The following CRTC1 variants were observed in gnomAD, a reference collection of about 807,000 sequenced individuals.
CRTC1 encodes CREB-regulated transcription coactivator 1.
CRTC1 carries 18 observed loss-of-function variants against 66.1 expected under a neutral mutation model. The ratio of observed to expected loss-of-function variants is 0.27; its 90% CI spans 0.19 to 0.40. The LOEUF is 0.40. Ranked by LOEUF, CRTC1 falls within the 10% of genes least tolerant of loss-of-function variation. CRTC1 has a pLI of 1.00. For synonymous variants in CRTC1, 416 were observed against 398.8 expected, an observed-to-expected ratio of 1.04 and a Z score of -0.51; for missense variants, 669 against 887.9, an observed-to-expected ratio of 0.75 and a Z score of 3.13.
At chr19:18,769,565 C>T (rs1044391724) in intron 10 of CRTC1, among the ~76,000 whole-genome samples, 52 of 152,294 alleles carry the variant, frequency 3.4e-4, no homozygotes, top group African/African-American at 1.3e-3. Flanking sequence ...TGGGTAGACA[C>T]CCATGTTCCC....
chr19:18,768,568 G>T lies in CRTC1; in HGVS notation c.1095G>T (p.Pro365=), dbSNP rs947773277. The T allele has an allele frequency of 2.5e-6, 4 of 1,595,440 alleles. No individual in the cohort carries two copies. The highest frequency in any genetic ancestry group is 1.3e-5 in the African/African-American group (1 of 74,472). The change falls in exon 10 of 14, where the codon CCG becomes CCT. Residue 365 remains proline, a synonymous_variant. Transcript: ENST00000321949. The surrounding 1 kb of genome is among the most constrained non-coding windows in gnomAD (Gnocchi z 5.6). ...AGGCGGGCTCCCAGCAGCCACCGCC[G>T]CAGCCCCAGCCCCCGCCGCCTCCTC... The part of the protein sequence containing the change: ...FTQAGSQQPP[P]QPQPPPPPPP...
chr19:18,696,779 C>T (rs1165693703), intron 1 of CRTC1, among the ~76,000 whole-genome samples: 1 of 151,628 alleles, frequency 6.6e-6, no homozygotes, highest in African/African-American at 2.4e-5. Context: ...CCCTGAGCCC[C>T]CTCCAGTAGG....
intron 13 of CRTC1, among the ~76,000 whole-genome samples, chr19:18,776,850 C>T (rs551093825): frequency 1.4e-4 from 21 of 152,292 alleles, no homozygotes; most frequent in South Asian, 4.1e-4. Context: ...CTGAGGGAGC[C>T]GGGGAGGTCC....
Position 18,683,847 on chromosome 19 carries a change from C to G in CRTC1, c.126+19C>G. The G allele has an allele frequency of 1.6e-6, 2 of 1,219,542 alleles. No individual in the cohort carries two copies. The highest frequency in any genetic ancestry group is 2.1e-6 in the Non-Finnish European group (2 of 947,866). 75.5% of individuals were successfully genotyped at this position (1,219,542 alleles called of 1,614,324 possible). A position where few individuals can be genotyped will look rare whatever the true frequency, so the allele number is the denominator to read the frequency against. The stretch of plus-strand genomic sequence containing the variant: ...CGCGCGGGTAAGGGGGCTGCCCGCG[C>G]CGACCCTTCAGGGCCGGCGGAGGGA... On this transcript the variant is annotated intron_variant, in intron 1 of 13. Transcript: ENST00000321949.
At chr19:18,732,442 G>T (rs1389587694) in intron 1 of CRTC1, among the ~76,000 whole-genome samples, 1 of 152,260 alleles carries the variant, frequency 6.6e-6, no homozygotes, top group Non-Finnish European at 1.5e-5. Flanking sequence ...CCTGATCTTG[G>T]ACTTCCAGCC....
chr19:18,759,955 C>CCCCCCCCCCCCCT, intron 7 of CRTC1, 53 bp from the exon 8 acceptor site: 1 of 1,410,134 alleles, frequency 7.1e-7, no homozygotes, highest in African/African-American at 1.4e-5. Flanking sequence ...CTGTCCCCGC[C>CCCCCCCCCCCCCT]GCCAGCCCCG....
chr19:18,691,918 G>A (rs1364002873), intron 1 of CRTC1, among the ~76,000 whole-genome samples: 2 of 151,974 alleles, frequency 1.3e-5, no homozygotes, highest in African/African-American at 4.8e-5. Flanking sequence ...TCATCCTATT[G>A]GCCAGGCCGA....
At chr19:18,726,209 C>T (rs537751532) in intron 1 of CRTC1, among the ~76,000 whole-genome samples, 14 of 152,388 alleles carry the variant, frequency 9.2e-5, no homozygotes, top group Non-Finnish European at 1.6e-4. Flanking sequence ...CTCAGGCACT[C>T]GGCGGACGCT....
intron 11 of CRTC1, among the ~76,000 whole-genome samples, chr19:18,773,028 T>C (rs79387512): frequency 0.13 from 20,006 of 151,962 alleles, 1,450 homozygotes; most frequent in Middle Eastern, 0.21. Context: ...ACTGGAATGG[T>C]TGGTGAATTT....
At chr19:18,774,277 T>TAGGG (rs2054935193) in intron 11 of CRTC1, among the ~76,000 whole-genome samples, 1 of 152,188 alleles carries the variant, frequency 6.6e-6, no homozygotes, top group Non-Finnish European at 1.5e-5. Flanking sequence ...CCTAGCCCCC[T>TAGGG]GCTCCTGTCA....
chr19:18,767,428 A>G (rs2054761316), intron 9 of CRTC1, among the ~76,000 whole-genome samples: 1 of 152,092 alleles, frequency 6.6e-6, no homozygotes, highest in African/African-American at 2.4e-5. Context: ...CAAACTCCCA[A>G]CCTCAAGTGA....
intron 10 of CRTC1, among the ~76,000 whole-genome samples, chr19:18,770,277 C>T (rs1568540142): frequency 6.6e-6 from 1 of 152,212 alleles, no homozygotes; most frequent in Non-Finnish European, 1.5e-5. Flanking sequence ...AGTGAGATGC[C>T]CGGGCCTTTC....
At chr19:18,688,727 G>A (rs911909312) in intron 1 of CRTC1, among the ~76,000 whole-genome samples, 12 of 151,640 alleles carry the variant, frequency 7.9e-5, no homozygotes, top group African/African-American at 1.5e-4. Flanking sequence ...TGTGAGCCAC[G>A]GCGCCTGGCC....
rs565377537 is a variant in CRTC1 at position 18,731,765 on chromosome 19, C to T, written c.127-11145C>T. Among the ~76,000 whole-genome samples the T allele has an allele frequency of 3.9e-5, 6 of 152,330 alleles. No homozygotes were observed. The South Asian group carries it at 8.3e-4, about 21-fold the overall frequency. ...TTCGGGAGACTCATTCCAGAAACAC[C>T]GCCCACAGCTTCCTGCTCGTCACAC... On this transcript the variant is annotated intron_variant, in intron 1 of 13. Transcript: ENST00000321949.
At chr19:18,697,255 G>A (rs552322648) in intron 1 of CRTC1, among the ~76,000 whole-genome samples, 11 of 152,240 alleles carry the variant, frequency 7.2e-5, no homozygotes, top group Admixed American at 2.0e-4. Context: ...CTTGGCACCG[G>A]GGGGAGCAGC....
chr19:18,710,165 C>T (rs942542048), intron 1 of CRTC1, among the ~76,000 whole-genome samples: 3 of 152,160 alleles, frequency 2.0e-5, no homozygotes, highest in Non-Finnish European at 2.9e-5. Flanking sequence ...ACCTTCCCCC[C>T]ACCCCATTTC....
chr19:18,753,074 G>C (rs2054402855), intron 5 of CRTC1, among the ~76,000 whole-genome samples: 1 of 151,678 alleles, frequency 6.6e-6, no homozygotes. Flanking sequence ...GACCATCCTG[G>C]CTAACACAGT....
At chr19:18,707,037 T>C (rs1163731813) in intron 1 of CRTC1, among the ~76,000 whole-genome samples, 1 of 152,214 alleles carries the variant, frequency 6.6e-6, no homozygotes, top group African/African-American at 2.4e-5. Context: ...GTGTTTTTAA[T>C]TTTGGCAGCA....
At chr19:18,740,873 A>G (rs2054096328) in intron 1 of CRTC1, among the ~76,000 whole-genome samples, 1 of 152,092 alleles carries the variant, frequency 6.6e-6, no homozygotes, top group Non-Finnish European at 1.5e-5. Context: ...TTAGCCAGGC[A>G]TGGTGCCTGT....
Sources: gnomAD v4.1 joint callset for allele counts (sites outside exome capture counted in the v4.1 genomes callset) on GRCh38, gnomAD v4.1.1 for gene constraint, Gnocchi (gnomAD v3.1) non-coding constraint, MANE v1.5 for transcripts, NCBI Gene and HGNC (gene_info 2026-07-23, HGNC 2026-07-21) for gene names.